The following LCORL variants were observed in gnomAD, a reference collection of about 807,000 sequenced individuals.
LCORL encodes ligand dependent nuclear receptor corepressor like, also known as ligand-dependent nuclear receptor corepressor-like protein.
A neutral mutation model predicts 141.8 loss-of-function variants in LCORL; 41 were observed. The observed-to-expected ratio is 0.29, with a 90% CI of 0.23 to 0.38. The LOEUF is 0.38. Ranked by LOEUF, LCORL falls within the 10% of genes least tolerant of loss-of-function variation. The pLI, the probability that LCORL is intolerant of heterozygous loss-of-function variation, is 1.00. For missense variants in LCORL, 1,759 were observed against 2,035.0 expected, an observed-to-expected ratio of 0.86 and a Z score of 2.61; for synonymous variants, 618 against 694.1, an observed-to-expected ratio of 0.89 and a Z score of 1.72.
intron 4 of LCORL, chr4:17,911,828 C>A: frequency 2.2e-6 from 1 of 454,212 alleles, no homozygotes. Context: ...TCCTGCTCCA[C>A]CAGCTTCCAG....
chr4:17,876,485 C>A, exon 7 of LCORL: 1 of 1,230,810 alleles, frequency 8.1e-7, no homozygotes, highest in South Asian at 4.1e-5. Flanking sequence ...GCTTCACAAC[C>A]ACTTGTAAAT....
At chr4:17,956,329 A>G (rs1405022720) in intron 4 of LCORL, among the ~76,000 whole-genome samples, 2 of 152,156 alleles carry the variant, frequency 1.3e-5, no homozygotes, top group African/African-American at 4.8e-5. Context: ...AGGAAAAGAA[A>G]TCAGTATATC....
At chr4:17,991,891 C>G (rs1720077972) in intron 1 of LCORL, among the ~76,000 whole-genome samples, 1 of 105,222 alleles carries the variant, frequency 9.5e-6, no homozygotes, top group East Asian at 2.6e-4. Flanking sequence ...CACCCTCACC[C>G]TCACAGAGAG....
At chr4:17,873,537 A>G in exon 7 of LCORL, 4 of 1,234,012 alleles carry the variant, frequency 3.2e-6, no homozygotes, top group Non-Finnish European at 4.0e-6. Flanking sequence ...ATTCTTGTCA[A>G]AGTTAACACA....
At chr4:17,980,940 C>T (rs966075275) in intron 1 of LCORL, among the ~76,000 whole-genome samples, 3 of 152,172 alleles carry the variant, frequency 2.0e-5, no homozygotes, top group Non-Finnish European at 2.9e-5. Flanking sequence ...AACCATGCCC[C>T]TGTCCATGGA....
At chr4:17,848,816 C>T (rs1306145102) in intron 7 of LCORL, among the ~76,000 whole-genome samples, 1 of 152,232 alleles carries the variant, frequency 6.6e-6, no homozygotes, top group African/African-American at 2.4e-5. Context: ...AAAATCAGGT[C>T]ACTCCCACCC....
chr4:17,853,436 C>A (rs1724003933), intron 7 of LCORL, among the ~76,000 whole-genome samples: 1 of 152,082 alleles, frequency 6.6e-6, no homozygotes, highest in Non-Finnish European at 1.5e-5. Flanking sequence ...TCCTTCAATT[C>A]CTGAAAGAGG....
In LCORL at chr4:17,886,099, A is replaced by G. The variant is rs749318474; in HGVS notation, c.745T>C (p.Cys249Arg). The G allele has an allele frequency of 6.2e-6, 10 of 1,602,384 alleles. No homozygotes were observed. In the East Asian group the frequency reaches 2.0e-4, roughly 32 times the overall value. ...ACTGAATTTTCAGAAGAAGGATCAC[A>G]TATGGATGACTCTTCAGATTTTATG... is the stretch of plus-strand genomic sequence containing the variant. Residue 249 changes from cysteine (C) to arginine (R), a missense_variant, in exon 6 of 8, where the codon TGT becomes CGT. Cys to Arg is a radical substitution (Grantham distance 180). This residue lies in a region of LCORL where 1,311 missense variants were observed against 1,531.3 expected (regional missense o/e 0.86). Transcript: ENST00000635767.
At chr4:17,972,742 GTT>G (rs1186495230) in intron 2 of LCORL, 76 bp downstream of exon 2, 2 of 528,216 alleles carry the variant, frequency 3.8e-6, no homozygotes, top group Admixed American at 4.1e-5. Flanking sequence ...TTAATATAAA[GTT>G]AGTATAGAAC....
At chr4:17,989,307 G>T (rs529873002) in intron 1 of LCORL, among the ~76,000 whole-genome samples, 4 of 152,286 alleles carry the variant, frequency 2.6e-5, no homozygotes, top group African/African-American at 9.6e-5. Flanking sequence ...ACTTGTCATA[G>T]ATTTTTTGTA....
exon 7 of LCORL, chr4:17,873,695 C>T: frequency 8.1e-7 from 1 of 1,233,886 alleles, no homozygotes; most frequent in Middle Eastern, 2.1e-4. Context: ...TTGATTCTTC[C>T]ATATGAGTCT....
In LCORL at chr4:17,865,790, G is replaced by A. The variant is rs181624949; in HGVS notation, c.5602+7598C>T. ...TCAATCAAACTCTGTAGGTGGATCCGCACAATCATTTTAACAAGACTTGCT... is the reference window on the plus strand; with the variant it reads ...TCAATCAAACTCTGTAGGTGGATCCACACAATCATTTTAACAAGACTTGCT... On this transcript the variant is annotated intron_variant, in intron 7 of 7. Transcript: ENST00000635767. Among the ~76,000 whole-genome samples the A allele has an allele frequency of 4.0e-3, 603 of 152,162 alleles. 4 individuals are homozygous for A. The highest frequency in any genetic ancestry group is 0.014 in the African/African-American group (583 of 41,510).
intron 5 of LCORL, among the ~76,000 whole-genome samples, chr4:17,887,918 C>T (rs1366872541): frequency 6.6e-6 from 1 of 152,032 alleles, no homozygotes; most frequent in African/African-American, 2.4e-5. Context: ...CCCCGCCTCA[C>T]CCCGGCAACC....
intron 7 of LCORL, among the ~76,000 whole-genome samples, chr4:17,851,390 T>A (rs1318846873): frequency 6.6e-6 from 1 of 152,190 alleles, no homozygotes; most frequent in Non-Finnish European, 1.5e-5. Context: ...ATTCTTCAGA[T>A]AGTCCCCTCA....
chr4:17,848,954 G>A (rs943308473), intron 7 of LCORL, among the ~76,000 whole-genome samples: 2 of 152,238 alleles, frequency 1.3e-5, no homozygotes, highest in Non-Finnish European at 2.9e-5. Flanking sequence ...AGATCAAACT[G>A]CAAGGCAGCA....
intron 1 of LCORL, among the ~76,000 whole-genome samples, chr4:18,018,116 T>C (rs990820469): frequency 1.3e-5 from 2 of 152,146 alleles, no homozygotes; most frequent in Non-Finnish European, 2.9e-5. Flanking sequence ...CCAGATCAGA[T>C]ATCCTAATGG....
intron 1 of LCORL, among the ~76,000 whole-genome samples, chr4:18,009,402 T>C (rs1723320595): frequency 6.6e-6 from 1 of 151,494 alleles, no homozygotes; most frequent in Admixed American, 6.6e-5. Flanking sequence ...CCTTACCCTG[T>C]TCAGGTCCCT....
At chr4:17,961,002 G>C (rs1713672687) in intron 4 of LCORL, among the ~76,000 whole-genome samples, 1 of 152,010 alleles carries the variant, frequency 6.6e-6, no homozygotes, top group Non-Finnish European at 1.5e-5. Context: ...TCACAGTCAA[G>C]TACTATTTTA....
At chr4:17,856,409 A>G (rs1724374879) in intron 7 of LCORL, among the ~76,000 whole-genome samples, 3 of 152,190 alleles carry the variant, frequency 2.0e-5, no homozygotes, top group African/African-American at 7.2e-5. Context: ...CCATGTGAGG[A>G]CACAGCAAGA....
Sources: gnomAD v4.1 joint callset for allele counts (sites outside exome capture counted in the v4.1 genomes callset) on GRCh38, gnomAD v4.1.1 for gene constraint, gnomAD v4.1.1 regional missense constraint, MANE v1.5 for transcripts, NCBI Gene and HGNC (gene_info 2026-07-23, HGNC 2026-07-21) for gene names.